The following NTM variants were observed in gnomAD, a reference collection of about 807,000 sequenced individuals.
NTM encodes IgLON family member 2.
In NTM, 13 loss-of-function variants were observed where a neutral mutation model predicts 42.1. That is an observed-to-expected ratio of 0.31 (90% confidence interval 0.20 to 0.49). The LOEUF (loss-of-function observed/expected upper bound fraction) is 0.49, where lower values mean the gene tolerates loss of function less well. Ranked by LOEUF, NTM falls within the 20% of genes least tolerant of loss-of-function variation. The pLI, the probability that NTM is intolerant of heterozygous loss-of-function variation, is 0.99. For missense variants in NTM, 373 were observed against 452.8 expected (o/e 0.82, Z 1.60); for synonymous variants, 187 against 179.2 (o/e 1.04, Z -0.35).
intron 2 of NTM, among the ~76,000 whole-genome samples, chr11:131,960,706 G>T (rs2062064410): frequency 6.6e-6 from 1 of 152,142 alleles, no homozygotes; most frequent in Admixed American, 6.5e-5. Context: ...TTTATGGAGT[G>T]GTTCTATGAC....
At chr11:131,469,429 A>T (rs998135871) in intron 1 of NTM, among the ~76,000 whole-genome samples, 2 of 152,230 alleles carry the variant, frequency 1.3e-5, no homozygotes, top group Non-Finnish European at 2.9e-5. Flanking sequence ...CATTCCAGGA[A>T]GGCTGATGAC....
At chr11:131,929,333 C>T (rs75115265) in intron 2 of NTM, among the ~76,000 whole-genome samples, 1 of 151,896 alleles carries the variant, frequency 6.6e-6, no homozygotes, top group African/African-American at 2.4e-5. Context: ...CGGGGGGGCA[C>T]ATGTGGGCGG....
rs148140234 is a variant in NTM, at chr11:131,690,085, C to A, written c.83-221479C>A. Among the ~76,000 whole-genome samples, 631 of 152,212 alleles carry A rather than the reference C, an allele frequency of 4.1e-3. 7 individuals carry two copies. Among genetic ancestry groups the A allele is most frequent in the African/African-American group, 0.014 (596 of 41,532 alleles). On this transcript the variant is annotated intron_variant, in intron 1 of 8. Coordinates refer to ENST00000683400, the MANE Select transcript of NTM (RefSeq NM_001352005.2). ...ATCACTCATGATGAGATCAGCACGT[C>A]TCTCCCCTCACACGTCTGTCCCTGA...
At chr11:131,524,469 AC>A (rs1378351454) in intron 1 of NTM, among the ~76,000 whole-genome samples, 1 of 152,260 alleles carries the variant, frequency 6.6e-6, no homozygotes, top group Admixed American at 6.5e-5. Context: ...CAGCGACAGG[AC>A]TATCAAACAA....
Position 131,598,875 on chromosome 11 carries a change from T to TCCTC in NTM, c.82+227988_82+227989insCTCC, listed in dbSNP as rs1174189983. Among the ~76,000 whole-genome samples the TCCTC allele has an allele frequency of 1.1e-4, 4 of 35,034 alleles. 1 individual carries two copies. Among genetic ancestry groups the TCCTC allele is most frequent in the Admixed American group, 6.4e-4 (2 of 3,140 alleles). 23.0% of individuals were successfully genotyped at this position (35,034 alleles called of 152,430 possible). Reference sequence around the variant, plus strand: ...TTCCTTCCTTCCTTCCTTCCTTCCTTCTTCCTTCCTTCCTTCCTTCCTTCC... The same window carrying TCCTC: ...TTCCTTCCTTCCTTCCTTCCTTCCTTCCTCCTTCCTTCCTTCCTTCCTTCCTTCC... On this transcript the variant is annotated intron_variant, in intron 1 of 8. Transcript: ENST00000683400.
At chr11:132,241,832 G>A (rs960638718) in intron 4 of NTM, among the ~76,000 whole-genome samples, 9 of 152,194 alleles carry the variant, frequency 5.9e-5, no homozygotes, top group African/African-American at 2.2e-4. Context: ...CTGATTTATA[G>A]TACATTCATC....
chr11:131,560,575 A>C lies in NTM; in HGVS notation c.82+189687A>C, dbSNP rs141463312. ...GATTGGCTTCCTACATGCTTTATTC[A>C]TTCTGCTGACTCCTCCCTTCCTCCT... On this transcript the variant is annotated intron_variant, in intron 1 of 8. Coordinates refer to ENST00000683400, the MANE Select transcript of NTM (RefSeq NM_001352005.2). 2.6e-5 allele frequency among the ~76,000 whole-genome samples: 4 copies of C among 152,284 alleles called. No homozygotes were observed. In the East Asian group the frequency reaches 7.7e-4, roughly 29 times the overall value.
chr11:131,775,707 A>G (rs2086852609), intron 1 of NTM, among the ~76,000 whole-genome samples: 1 of 152,170 alleles, frequency 6.6e-6, no homozygotes, highest in Non-Finnish European at 1.5e-5. Context: ...TAGGAACAGC[A>G]TGAAAAAAAT....
chr11:131,918,353 G>A (rs188843069), intron 2 of NTM, among the ~76,000 whole-genome samples: 29 of 152,276 alleles, frequency 1.9e-4, no homozygotes, highest in African/African-American at 5.3e-4. Flanking sequence ...GGTTTAGTCC[G>A]TACCACACCT....
At chr11:131,779,428 A>G (rs1421163972) in intron 1 of NTM, among the ~76,000 whole-genome samples, 1 of 152,206 alleles carries the variant, frequency 6.6e-6, no homozygotes, top group Non-Finnish European at 1.5e-5. Context: ...TCATTCTTGT[A>G]TTTCATTGTA....
intron 3 of NTM, among the ~76,000 whole-genome samples, chr11:132,190,662 A>T (rs1243488526): frequency 2.0e-5 from 3 of 151,264 alleles, no homozygotes; most frequent in Non-Finnish European, 4.4e-5. Flanking sequence ...ACTTGAACCC[A>T]GGTGGCCCAG....
At chr11:131,493,658 C>T (rs1189675659) in intron 1 of NTM, among the ~76,000 whole-genome samples, 1 of 152,148 alleles carries the variant, frequency 6.6e-6, no homozygotes, top group African/African-American at 2.4e-5. Context: ...TACTGGTACC[C>T]CCATTTCACA....
intron 4 of NTM, among the ~76,000 whole-genome samples, chr11:132,269,378 T>C (rs1252468334): frequency 6.6e-6 from 1 of 152,180 alleles, no homozygotes; most frequent in Non-Finnish European, 1.5e-5. Context: ...CAGCAGGATG[T>C]CATGCTTCCT....
At chr11:132,050,754 A>G (rs1193035693) in intron 2 of NTM, among the ~76,000 whole-genome samples, 1 of 152,232 alleles carries the variant, frequency 6.6e-6, no homozygotes, top group Non-Finnish European at 1.5e-5. Flanking sequence ...TGTGGGGCAC[A>G]CAGACACCTG....
chr11:132,157,499 A>G (rs1301717582), intron 3 of NTM, among the ~76,000 whole-genome samples: 1 of 152,284 alleles, frequency 6.6e-6, no homozygotes, highest in Non-Finnish European at 1.5e-5. Context: ...GCCCTAGGGT[A>G]TGGAAGCAGG....
At chr11:132,321,112 T>A (rs373652850) in intron 7 of NTM, among the ~76,000 whole-genome samples, 91 of 151,976 alleles carry the variant, frequency 6.0e-4, no homozygotes, top group Middle Eastern at 3.4e-3. Context: ...TCTAAAAAGC[T>A]GAGCGCCTCT....
intron 1 of NTM, chr11:131,536,556 A>C (rs1312449614): frequency 6.6e-6 from 1 of 152,198 alleles, no homozygotes; most frequent in Non-Finnish European, 1.5e-5. Context: ...TACAGTTAAG[A>C]CCCATAAACC....
chr11:131,657,310 G>T (rs545377601), intron 1 of NTM, among the ~76,000 whole-genome samples: 1 of 152,260 alleles, frequency 6.6e-6, no homozygotes, highest in South Asian at 2.1e-4. Flanking sequence ...GGAAAGGTCA[G>T]TGGGGAATTC....
chr11:131,789,551 AAGAAG>A, intron 1 of NTM, among the ~76,000 whole-genome samples: 1 of 8,672 alleles, frequency 1.2e-4, no homozygotes, highest in Non-Finnish European at 2.0e-4. Flanking sequence ...AGAAGAAAAG[AAGAAG>A]AAGAAGAAGA....
Sources: gnomAD v4.1 joint callset for allele counts (sites outside exome capture counted in the v4.1 genomes callset) on GRCh38, gnomAD v4.1.1 for gene constraint, MANE v1.5 for transcripts, NCBI Gene and HGNC (gene_info 2026-07-23, HGNC 2026-07-21) for gene names.